Variants in ATXN1 observed in about 807,000 individuals in gnomAD.
The protein encoded by ATXN1 is ataxin 1.
Under a neutral mutation model 56.4 loss-of-function variants are expected in ATXN1, and 8 were observed. The observed-to-expected ratio is 0.14, with a 90% CI of 0.08 to 0.26. The LOEUF (loss-of-function observed/expected upper bound fraction) is 0.26, where lower values mean the gene tolerates loss of function less well. Ranked by LOEUF, ATXN1 falls within the 10% of genes least tolerant of loss-of-function variation. The probability of loss-of-function intolerance (pLI) is 1.00; values close to 1 mark genes in which losing one functional copy is unlikely to be tolerated. For missense variants in ATXN1, 987 were observed against 1,106.5 expected (o/e 0.89, Z 1.53); for synonymous variants, 514 against 494.6 (o/e 1.04, Z -0.52).
intron 4 of ATXN1, among the ~76,000 whole-genome samples, chr6:16,533,177 T>C (rs1302260556): frequency 6.6e-6 from 1 of 152,126 alleles, no homozygotes; most frequent in Admixed American, 6.5e-5. Context: ...GCCACTGAAC[T>C]GTACACTTAA....
chr6:16,668,665 T>A (rs1758479798), intron 2 of ATXN1, among the ~76,000 whole-genome samples: 1 of 152,062 alleles, frequency 6.6e-6, no homozygotes, highest in Admixed American at 6.5e-5. Context: ...TGGCAAAAAA[T>A]TCTCAGCCAT....
chr6:16,335,737 T>G (rs1452979757), intron 6 of ATXN1, among the ~76,000 whole-genome samples: 1 of 152,116 alleles, frequency 6.6e-6, no homozygotes, highest in Non-Finnish European at 1.5e-5. Flanking sequence ...GGCCCTCAAT[T>G]CAAAGACAAA....
At chr6:16,612,033 G>A (rs1283956503) in intron 3 of ATXN1, among the ~76,000 whole-genome samples, 1 of 151,510 alleles carries the variant, frequency 6.6e-6, no homozygotes, top group African/African-American at 2.4e-5. Context: ...CTAATTTTTT[G>A]TATTTTTAGT....
intron 3 of ATXN1, among the ~76,000 whole-genome samples, chr6:16,641,694 G>A (rs1763708769): frequency 6.6e-6 from 1 of 152,168 alleles, no homozygotes; most frequent in South Asian, 2.1e-4. Flanking sequence ...TGCAACCCAT[G>A]GATCAAGGAG....
At chr6:16,724,581 A>T (rs538684752) in intron 2 of ATXN1, among the ~76,000 whole-genome samples, 2 of 152,284 alleles carry the variant, frequency 1.3e-5, no homozygotes, top group South Asian at 4.1e-4. Context: ...TCTGCTCTAA[A>T]ACTTTCTACG....
At chr6:16,369,472 C>T (rs984207581) in intron 6 of ATXN1, among the ~76,000 whole-genome samples, 7 of 152,290 alleles carry the variant, frequency 4.6e-5, no homozygotes, top group Non-Finnish European at 8.8e-5. Context: ...TAAAGAAATA[C>T]GCTACAGAAA....
At chr6:16,717,265 C>T (rs1388472903) in intron 2 of ATXN1, among the ~76,000 whole-genome samples, 7 of 152,258 alleles carry the variant, frequency 4.6e-5, no homozygotes, top group African/African-American at 1.7e-4. Flanking sequence ...AGTGTCTTCA[C>T]AGGCAAGGCC....
At chr6:16,715,947 A>C (rs1479682268) in intron 2 of ATXN1, among the ~76,000 whole-genome samples, 4 of 152,182 alleles carry the variant, frequency 2.6e-5, no homozygotes, top group Non-Finnish European at 5.9e-5. Context: ...TCAAGCCTAG[A>C]GGACCACAGC....
At chr6:16,673,033 A>G (rs1400847427) in intron 2 of ATXN1, among the ~76,000 whole-genome samples, 1 of 151,332 alleles carries the variant, frequency 6.6e-6, no homozygotes, top group Non-Finnish European at 1.5e-5. Flanking sequence ...AAAAAAAAAA[A>G]AAAGAAAAGA....
intron 3 of ATXN1, among the ~76,000 whole-genome samples, chr6:16,652,428 T>C (rs1349639915): frequency 6.6e-6 from 1 of 152,238 alleles, no homozygotes; most frequent in East Asian, 1.9e-4. Context: ...TCTTTTAGAA[T>C]CATTTTTTTC....
chr6:16,697,156 A>G (rs1003535013), intron 2 of ATXN1, among the ~76,000 whole-genome samples: 7 of 152,238 alleles, frequency 4.6e-5, no homozygotes, highest in Non-Finnish European at 1.0e-4. Flanking sequence ...TTTCCATAAC[A>G]GAACATATAT....
intron 2 of ATXN1, among the ~76,000 whole-genome samples, chr6:16,680,502 T>C (rs1245336032): frequency 6.6e-6 from 1 of 152,144 alleles, no homozygotes; most frequent in Non-Finnish European, 1.5e-5. Context: ...AGCTGTGTGG[T>C]TCATTCATCA....
At chr6:16,459,162 T>C (rs940092569) in intron 6 of ATXN1, among the ~76,000 whole-genome samples, 2 of 152,204 alleles carry the variant, frequency 1.3e-5, no homozygotes, top group African/African-American at 2.4e-5. Flanking sequence ...GGGAGGGACA[T>C]ATTAGCCAAA....
intron 4 of ATXN1, among the ~76,000 whole-genome samples, chr6:16,540,459 A>G (rs1761692674): frequency 6.6e-6 from 1 of 152,048 alleles, no homozygotes; most frequent in African/African-American, 2.4e-5. Flanking sequence ...TGATCCACCC[A>G]CCTCAGCCTC....
Position 16,326,764 on chromosome 6 carries a change from G to A in ATXN1, c.1547C>T (p.Ala516Val). 1 of 1,612,980 alleles carries A rather than the reference G, an allele frequency of 6.2e-7. No individual in the cohort carries two copies. The highest frequency in any genetic ancestry group is 8.5e-7 in the Non-Finnish European group (1 of 1,179,312). Residue 516 changes from alanine to valine, a missense_variant, in exon 7 of 8, where the codon GCT becomes GTT. Ala to Val is a moderately conservative substitution (Grantham distance 64, BLOSUM62 0). This residue lies in a region of ATXN1 where 723 missense variants were observed against 791.7 expected (regional missense o/e 0.91). Coordinates refer to ENST00000436367, the MANE Select transcript of ATXN1 (RefSeq NM_001128164.2). This position sits in a 1 kb window ranked among gnomAD's most constrained non-coding sequence, Gnocchi z 6.6. ...GGTGACGAACGTGTGAGGCACTGCAGCAAACTGGGGGGATGACGTGACTAT... is the reference window on the plus strand; with the variant it reads ...GGTGACGAACGTGTGAGGCACTGCAACAAACTGGGGGGATGACGTGACTAT... ...PAIVTSSPQF[A>V]AVPHTFVTTA...
intron 6 of ATXN1, among the ~76,000 whole-genome samples, chr6:16,344,566 C>T (rs115665760): frequency 0.015 from 2,345 of 152,276 alleles, 58 homozygotes; most frequent in African/African-American, 0.053. Flanking sequence ...CCTCGAACAC[C>T]CGACTTGAAG....
intron 3 of ATXN1, among the ~76,000 whole-genome samples, chr6:16,629,690 T>A (rs939409258): frequency 6.6e-6 from 1 of 151,918 alleles, no homozygotes; most frequent in Non-Finnish European, 1.5e-5. Context: ...CTGAAGTGGG[T>A]GGATCCCCTG....
chr6:16,402,003 T>C (rs561304717), intron 6 of ATXN1, among the ~76,000 whole-genome samples: 10 of 152,086 alleles, frequency 6.6e-5, no homozygotes, highest in African/African-American at 1.9e-4. Flanking sequence ...AGGCAAAAAA[T>C]GAGAGAGAGC....
chr6:16,444,852 C>CTA (rs1488912846), intron 6 of ATXN1, among the ~76,000 whole-genome samples: 1 of 152,188 alleles, frequency 6.6e-6, no homozygotes, highest in Non-Finnish European at 1.5e-5. Context: ...ACAACACCAA[C>CTA]TATGAAGCAG....
Sources: gnomAD v4.1 joint callset for allele counts (sites outside exome capture counted in the v4.1 genomes callset) on GRCh38, gnomAD v4.1.1 for gene constraint, gnomAD v4.1.1 regional missense constraint, Gnocchi (gnomAD v3.1) non-coding constraint, MANE v1.5 for transcripts, NCBI Gene and HGNC (gene_info 2026-07-23, HGNC 2026-07-21) for gene names.